Variants in KCNIP4 observed in about 807,000 individuals in gnomAD.
The protein encoded by KCNIP4 is Kv channel-interacting protein 4.
KCNIP4 carries 12 observed loss-of-function variants against 34.0 expected under a neutral mutation model. The ratio of observed to expected loss-of-function variants is 0.35; its 90% CI spans 0.23 to 0.57. The LOEUF (loss-of-function observed/expected upper bound fraction) is 0.57. Among genes scored for constraint, KCNIP4 ranks in the 20% least tolerant of loss-of-function variants. The pLI, the probability that KCNIP4 is intolerant of heterozygous loss-of-function variation, is 0.83. For synonymous variants in KCNIP4, 124 were observed against 102.2 expected (o/e 1.21, Z -1.29); for missense variants, 238 against 311.7 (o/e 0.76, Z 1.78).
intron 1 of KCNIP4, among the ~76,000 whole-genome samples, chr4:21,922,724 C>T (rs904138016): frequency 2.0e-5 from 3 of 151,724 alleles, no homozygotes; most frequent in Non-Finnish European, 4.4e-5. Context: ...GCAAAGGGGG[C>T]CAGAAGTGGA....
At chr4:21,605,618 C>G (rs146950078) in intron 1 of KCNIP4, among the ~76,000 whole-genome samples, 4,639 of 151,986 alleles carry the variant, frequency 0.031, 77 homozygotes, top group South Asian at 0.071. Context: ...GTAGCTGGTA[C>G]TACAGGTGCC....
At chr4:21,823,245 G>T (rs1264050174) in intron 1 of KCNIP4, among the ~76,000 whole-genome samples, 1 of 151,724 alleles carries the variant, frequency 6.6e-6, no homozygotes, top group Admixed American at 6.6e-5. Flanking sequence ...CTTCATAGAA[G>T]GCATATTATC....
At chr4:21,150,279 T>C (rs1752666131) in intron 1 of KCNIP4, among the ~76,000 whole-genome samples, 1 of 144,828 alleles carries the variant, frequency 6.9e-6, no homozygotes, top group African/African-American at 2.9e-5. Flanking sequence ...AATGGGAGTG[T>C]TAATGAGGGT....
intron 1 of KCNIP4, among the ~76,000 whole-genome samples, chr4:21,362,707 C>T (rs1719353630): frequency 6.6e-6 from 1 of 152,138 alleles, no homozygotes; most frequent in Non-Finnish European, 1.5e-5. Context: ...TAGACAGTCA[C>T]ATCCTTCTGT....
At chr4:21,426,232 A>G (rs1725919948) in intron 1 of KCNIP4, among the ~76,000 whole-genome samples, 1 of 152,236 alleles carries the variant, frequency 6.6e-6, no homozygotes, top group Admixed American at 6.5e-5. Flanking sequence ...CTCCACCAAA[A>G]GCAAAGGCAT....
intron 1 of KCNIP4, among the ~76,000 whole-genome samples, chr4:21,769,739 G>A (rs1718653444): frequency 6.6e-6 from 1 of 152,012 alleles, no homozygotes; most frequent in Non-Finnish European, 1.5e-5. Flanking sequence ...ATATTTTGAG[G>A]ACTTTATAAG....
chr4:21,023,498 G>A (rs1053706580), intron 1 of KCNIP4, among the ~76,000 whole-genome samples: 1 of 152,030 alleles, frequency 6.6e-6, no homozygotes, highest in Non-Finnish European at 1.5e-5. Flanking sequence ...TCACTCAATT[G>A]AAAAATTAAG....
chr4:21,563,320 C>T (rs1739603163), intron 1 of KCNIP4, among the ~76,000 whole-genome samples: 1 of 152,034 alleles, frequency 6.6e-6, no homozygotes, highest in Admixed American at 6.6e-5. Flanking sequence ...GATGATGGAA[C>T]ATGCATTGGA....
intron 1 of KCNIP4, among the ~76,000 whole-genome samples, chr4:21,612,272 T>C (rs1271748822): frequency 2.0e-5 from 3 of 152,196 alleles, no homozygotes; most frequent in Admixed American, 6.6e-5. Flanking sequence ...CATTCCACAG[T>C]ATGCCACCAA....
At chr4:20,888,519 G>A (rs981839320) in intron 1 of KCNIP4, among the ~76,000 whole-genome samples, 3 of 152,112 alleles carry the variant, frequency 2.0e-5, no homozygotes, top group African/African-American at 4.8e-5. Context: ...ACAGAATGAG[G>A]AGGTGGGACT....
chr4:21,496,571 A>C (rs1732866554), intron 1 of KCNIP4, among the ~76,000 whole-genome samples: 1 of 152,128 alleles, frequency 6.6e-6, no homozygotes. Context: ...AGCTCAATCC[A>C]CTTCAATCGT....
chr4:20,782,007 G>T lies in KCNIP4; in HGVS notation c.289-23117C>A, dbSNP rs188981595. ...GTAAATATAGCCATTCCAAATGGGA[G>T]AAATTGGCCAAAACAAAGGGGTCAC... On this transcript the variant is annotated intron_variant, in intron 3 of 8. Coordinates refer to ENST00000382152, the MANE Select transcript of KCNIP4 (RefSeq NM_025221.6). 2.1e-3 allele frequency among the ~76,000 whole-genome samples: 321 copies of T among 152,282 alleles called. 1 individual carries two copies. The highest frequency in any genetic ancestry group is 3.7e-3 in the Non-Finnish European group (255 of 68,028).
intron 1 of KCNIP4, among the ~76,000 whole-genome samples, chr4:21,783,722 TCA>T (rs1719720859): frequency 6.6e-6 from 1 of 152,052 alleles, no homozygotes; most frequent in Non-Finnish European, 1.5e-5. Context: ...CCTAAAACAA[TCA>T]CATAATAGAA....
chr4:21,697,450 G>A (rs2109057280), intron 1 of KCNIP4: 1 of 1,551,566 alleles, frequency 6.4e-7, no homozygotes, highest in African/African-American at 1.4e-5. Flanking sequence ...TAAGCAACAA[G>A]GTATTCCTCT....
intron 1 of KCNIP4, among the ~76,000 whole-genome samples, chr4:21,623,156 T>C (rs542953823): frequency 1.3e-4 from 20 of 152,334 alleles, no homozygotes; most frequent in African/African-American, 4.6e-4. Flanking sequence ...CATTCTGAAT[T>C]TGACATTGTG....
chr4:20,912,305 A>C (rs1353550490), intron 1 of KCNIP4, among the ~76,000 whole-genome samples: 1 of 152,194 alleles, frequency 6.6e-6, no homozygotes, highest in Non-Finnish European at 1.5e-5. Context: ...AGCCACACAC[A>C]CAAAAAATTA....
At chr4:21,231,449 G>A (rs901857273) in intron 1 of KCNIP4, among the ~76,000 whole-genome samples, 3 of 152,074 alleles carry the variant, frequency 2.0e-5, no homozygotes, top group African/African-American at 7.2e-5. Flanking sequence ...TTAACTGAAT[G>A]AGTAGCGTTA....
At chr4:20,886,913 T>C (rs1725375154) in intron 1 of KCNIP4, among the ~76,000 whole-genome samples, 1 of 151,980 alleles carries the variant, frequency 6.6e-6, no homozygotes, top group South Asian at 2.1e-4. Context: ...TTACTAGACA[T>C]GTGAGAAAGC....
At chr4:21,700,700 C>G (rs929025858) in intron 1 of KCNIP4, among the ~76,000 whole-genome samples, 7 of 151,942 alleles carry the variant, frequency 4.6e-5, no homozygotes, top group Non-Finnish European at 8.8e-5. Context: ...AGCTTTTCTC[C>G]TATATTTCAG....
Sources: gnomAD v4.1 joint callset for allele counts (sites outside exome capture counted in the v4.1 genomes callset) on GRCh38, gnomAD v4.1.1 for gene constraint, MANE v1.5 for transcripts, NCBI Gene and HGNC (gene_info 2026-07-23, HGNC 2026-07-21) for gene names.